The following SNX29 variants were observed in gnomAD, a reference collection of about 807,000 sequenced individuals.
SNX29 encodes the protein sorting nexin 29, also known as sorting nexin-29.
Under a neutral mutation model 102.1 loss-of-function variants are expected in SNX29, and 78 were observed. The observed-to-expected ratio is 0.76, with a 90% CI of 0.64 to 0.92. The LOEUF (loss-of-function observed/expected upper bound fraction) is 0.92. Among genes scored for constraint, SNX29 ranks in the 40% least tolerant of loss-of-function variants. SNX29 has a pLI of 0.00. For missense variants in SNX29, 1,280 were observed against 1,061.7 expected (o/e 1.21, Z -2.86); for synonymous variants, 580 against 414.5 (o/e 1.40, Z -4.85).
At chr16:12,263,229 T>C (rs1419377697) in intron 14 of SNX29, among the ~76,000 whole-genome samples, 3 of 151,976 alleles carry the variant, frequency 2.0e-5, no homozygotes, top group Non-Finnish European at 4.4e-5. Flanking sequence ...CCTCCTGGGT[T>C]CAAGTGATTC....
At chr16:12,211,058 A>G (rs2142039161) in intron 14 of SNX29, among the ~76,000 whole-genome samples, 1 of 151,962 alleles carries the variant, frequency 6.6e-6, no homozygotes, top group East Asian at 1.9e-4. Context: ...CACCTCCCTC[A>G]CTTTTTACAC....
intron 13 of SNX29, among the ~76,000 whole-genome samples, chr16:12,165,211 A>T (rs930729527): frequency 2.6e-5 from 4 of 152,166 alleles, no homozygotes; most frequent in Non-Finnish European, 5.9e-5. Flanking sequence ...TTGCTTTGGA[A>T]TCTCTGTTGC....
intron 18 of SNX29, among the ~76,000 whole-genome samples, chr16:12,430,066 C>T (rs1475684678): frequency 6.6e-6 from 1 of 152,224 alleles, no homozygotes; most frequent in East Asian, 1.9e-4. Flanking sequence ...TCAGCAGTGG[C>T]ATCAGATTCT....
chr16:12,282,295 C>T, intron 15 of SNX29, among the ~76,000 whole-genome samples: 1 of 152,090 alleles, frequency 6.6e-6, no homozygotes, highest in East Asian at 1.9e-4. Context: ...ATAACAGCAA[C>T]TGCAGCAATA....
At chr16:12,190,285 C>T (rs576465473) in intron 13 of SNX29, among the ~76,000 whole-genome samples, 16 of 151,942 alleles carry the variant, frequency 1.1e-4, no homozygotes, top group South Asian at 2.1e-4. Context: ...CTGACCACAC[C>T]GAGACTCCAT....
intron 14 of SNX29, among the ~76,000 whole-genome samples, chr16:12,258,747 A>G (rs570241732): frequency 6.6e-6 from 1 of 152,258 alleles, no homozygotes; most frequent in East Asian, 1.9e-4. Flanking sequence ...CTCAGAGGAA[A>G]CGTGGAACTT....
chr16:12,386,737 C>T lies in SNX29; in HGVS notation c.1900-11709C>T, dbSNP rs552989339. On this transcript the variant is annotated intron_variant, in intron 16 of 20. Transcript: ENST00000566228. The stretch of plus-strand genomic sequence containing the variant: ...TCCTGAACAGTTCAAAGTGCCTATG[C>T]CTGCTCACTGTTAATAAGAAAAGAG... Among the ~76,000 whole-genome samples, 33 of 152,264 alleles carry T rather than the reference C, an allele frequency of 2.2e-4. 1 individual carries two copies. The South Asian group carries it at 6.8e-3, about 32-fold the overall frequency.
At chr16:12,444,942 C>T (rs1383713492) in intron 18 of SNX29, among the ~76,000 whole-genome samples, 1 of 150,984 alleles carries the variant, frequency 6.6e-6, no homozygotes, top group East Asian at 2.0e-4. Flanking sequence ...ACCCCTGCCT[C>T]CTGAGTTCAA....
At chr16:12,544,407 A>G (rs575368404) in intron 20 of SNX29, among the ~76,000 whole-genome samples, 18 of 152,296 alleles carry the variant, frequency 1.2e-4, no homozygotes, top group African/African-American at 4.3e-4. Context: ...CTGCTAAAAC[A>G]TTATGTCAGC....
At chr16:12,405,573 G>A (rs1244001797) in intron 18 of SNX29, among the ~76,000 whole-genome samples, 3 of 152,166 alleles carry the variant, frequency 2.0e-5, no homozygotes, top group Non-Finnish European at 4.4e-5. Context: ...TCTCTTTTTA[G>A]CAAATGATGC....
intron 18 of SNX29, among the ~76,000 whole-genome samples, chr16:12,411,477 A>G (rs2084396209): frequency 6.6e-6 from 1 of 152,344 alleles, no homozygotes; most frequent in Non-Finnish European, 1.5e-5. Flanking sequence ...GCCAAAGGCA[A>G]AATGCTCTCC....
intron 14 of SNX29, among the ~76,000 whole-genome samples, chr16:12,227,628 G>A (rs1353386772): frequency 2.6e-5 from 4 of 152,094 alleles, no homozygotes; most frequent in Non-Finnish European, 5.9e-5. Context: ...GGCCGGGCGC[G>A]GTGGCTCATG....
rs764387740 is a variant in SNX29 at position 12,356,271 on chromosome 16, C to T, written c.1891C>T (p.Arg631Trp). The T allele has an allele frequency of 1.4e-5, 23 of 1,603,170 alleles. No homozygotes were observed. In the African/African-American group the frequency reaches 1.5e-4, roughly 10 times the overall value. The change falls in exon 16 of 21, where the codon CGG (arginine) becomes TGG (tryptophan). Residue 631 changes from arginine to tryptophan, a missense_variant. Coordinates refer to ENST00000566228, the MANE Select transcript of SNX29 (RefSeq NM_032167.5). Reference sequence around the variant, plus strand: ...GATGAGGCAGGAGCTCATCGATCTCCGGGGACCGGTGAGTGTTTCCCCAAC... The same window carrying T: ...GATGAGGCAGGAGCTCATCGATCTCTGGGGACCGGTGAGTGTTTCCCCAAC... ...SQMRQELIDL[R>W]GPVPGDLSQT...
chr16:12,139,136 T>C (rs886886981), intron 13 of SNX29, among the ~76,000 whole-genome samples: 1 of 134,912 alleles, frequency 7.4e-6, no homozygotes, highest in Non-Finnish European at 1.5e-5. Context: ...AGGCAGAGGC[T>C]GCGGTGAGCT....
chr16:12,265,169 C>A (rs1054263511), intron 14 of SNX29, among the ~76,000 whole-genome samples: 3 of 152,198 alleles, frequency 2.0e-5, no homozygotes, highest in Non-Finnish European at 4.4e-5. Flanking sequence ...AATACTTTTG[C>A]ACCACTTGTT....
intron 4 of SNX29, among the ~76,000 whole-genome samples, chr16:12,038,308 C>A (rs2057532051): frequency 1.3e-5 from 2 of 152,112 alleles, no homozygotes. Flanking sequence ...CTTGTGGTCC[C>A]CAAGTCTTGG....
intron 13 of SNX29, among the ~76,000 whole-genome samples, chr16:12,158,901 G>T (rs2055666737): frequency 6.6e-6 from 1 of 152,218 alleles, no homozygotes; most frequent in Non-Finnish European, 1.5e-5. Context: ...CCAGTAAATT[G>T]TTGACTTGAT....
At chr16:12,074,414 C>T (rs1413920212) in intron 10 of SNX29, among the ~76,000 whole-genome samples, 2 of 151,908 alleles carry the variant, frequency 1.3e-5, no homozygotes, top group African/African-American at 2.4e-5. Context: ...TATTTTATTT[C>T]TCCTTCACTT....
chr16:12,564,318 G>C (rs560309189), intron 20 of SNX29, among the ~76,000 whole-genome samples: 46 of 152,296 alleles, frequency 3.0e-4, no homozygotes, highest in Non-Finnish European at 4.7e-4. Flanking sequence ...CTTCACTAGT[G>C]TCTCTTACCT....
Sources: gnomAD v4.1 joint callset for allele counts (sites outside exome capture counted in the v4.1 genomes callset) on GRCh38, gnomAD v4.1.1 for gene constraint, MANE v1.5 for transcripts, NCBI Gene and HGNC (gene_info 2026-07-23, HGNC 2026-07-21) for gene names.